SH3BP4: variants seen among roughly 807,000 people sequenced by gnomAD.
SH3BP4 encodes the protein SH3 domain-binding protein 4.
A neutral mutation model predicts 65.5 loss-of-function variants in SH3BP4; 33 were observed. The observed-to-expected ratio is 0.50, with a 90% CI of 0.38 to 0.67. The LOEUF is 0.67. Among genes scored for constraint, SH3BP4 ranks in the 30% least tolerant of loss-of-function variants. The probability of loss-of-function intolerance (pLI) is 0.00; values close to 1 mark genes in which losing one functional copy is unlikely to be tolerated. For missense variants in SH3BP4, 1,134 were observed against 1,261.4 expected, an observed-to-expected ratio of 0.90 and a Z score of 1.53; for synonymous variants, 552 against 545.5, an observed-to-expected ratio of 1.01 and a Z score of -0.17.
At chr2:234,969,731 C>A (rs947553438) in intron 1 of SH3BP4, among the ~76,000 whole-genome samples, 12 of 152,180 alleles carry the variant, frequency 7.9e-5, no homozygotes, top group Admixed American at 6.5e-4. Context: ...CCCTAGGATG[C>A]CTGTGGGTCC....
chr2:235,041,881 C>G lies in SH3BP4; in HGVS notation c.1112C>G (p.Ser371Cys), dbSNP rs1559256865. Residue 371 changes from serine (S) to cysteine (C), a missense_variant, in exon 4 of 6, where the codon TCC (serine) becomes TGC (cysteine). Transcript: ENST00000392011. This position sits in a 1 kb window ranked among gnomAD's most constrained non-coding sequence, Gnocchi z 6.0. The part of the protein sequence containing the change: ...DPPLELNSDR[S>C]CSISPVLEVK... ...CCGCTGGAGCTCAACAGTGACAGGT[C>G]CTGCAGCATCAGCCCTGTGCTGGAG... 6.2e-7 allele frequency: 1 copy of G among 1,612,606 alleles called. No individual in the cohort carries two copies. Among genetic ancestry groups the G allele is most frequent in the Non-Finnish European group, 8.5e-7 (1 of 1,179,322 alleles).
intron 2 of SH3BP4, among the ~76,000 whole-genome samples, chr2:235,007,062 G>C (rs573848854): frequency 6.6e-6 from 1 of 152,074 alleles, no homozygotes; most frequent in Non-Finnish European, 1.5e-5. Context: ...ATCTTCCCCC[G>C]GTCAGAATGG....
rs754597414 is a variant in SH3BP4 at position 235,041,128 on chromosome 2, G to A, written c.359G>A (p.Ser120Asn). ...QPLNYRNSTL[S>N]DSGMIDNLPD... is the part of the protein sequence containing the mutation. Reference sequence around the variant, plus strand: ...TTGAACTACCGGAACTCAACACTGAGTGACAGCGGTATGATTGATAATCTT... The same window carrying A: ...TTGAACTACCGGAACTCAACACTGAATGACAGCGGTATGATTGATAATCTT... The change falls in exon 4 of 6, where the codon AGT (serine) becomes AAT (asparagine). Residue 120 changes from serine (S) to asparagine (N), a missense_variant. Physicochemically the swap from Ser to Asn is conservative, Grantham distance 46 (BLOSUM62 1). Coordinates refer to ENST00000392011, the MANE Select transcript of SH3BP4 (RefSeq NM_014521.3). The surrounding 1 kb of genome is among the most constrained non-coding windows in gnomAD (Gnocchi z 6.0). The A allele has an allele frequency of 3.1e-6, 5 of 1,614,186 alleles. No individual in the cohort carries two copies. The highest frequency in any genetic ancestry group is 4.2e-6 in the Non-Finnish European group (5 of 1,180,034).
intron 3 of SH3BP4, among the ~76,000 whole-genome samples, chr2:235,036,148 C>G (rs946749794): frequency 1.3e-5 from 2 of 152,238 alleles, no homozygotes; most frequent in African/African-American, 4.8e-5. Context: ...TGAGTAGCTT[C>G]TCCTTCCCCT....
Position 235,052,792 on chromosome 2 carries a change from C to G in SH3BP4, c.2667+42C>G, listed in dbSNP as rs1361524153. On this transcript the variant is annotated intron_variant, in intron 5 of 5. Coordinates refer to ENST00000392011, the MANE Select transcript of SH3BP4 (RefSeq NM_014521.3). This position sits in a 1 kb window ranked among gnomAD's most constrained non-coding sequence, Gnocchi z 5.0. ...CTTCGAGCTCACCGAGCCCCTCTGTCCCTGGGTTCCGTGGACCCATGCAGT... is the reference window on the plus strand; with the variant it reads ...CTTCGAGCTCACCGAGCCCCTCTGTGCCTGGGTTCCGTGGACCCATGCAGT... 1 of 1,518,404 alleles carries G rather than the reference C, an allele frequency of 6.6e-7. No individual in the cohort carries two copies. The highest frequency in any genetic ancestry group is 1.4e-5 in the African/African-American group (1 of 72,304). The allele number at this position is 1,518,404 out of a possible 1,614,324, so 94.1% of individuals were successfully genotyped here.
Position 234,970,000 on chromosome 2 carries a change from C to T in SH3BP4, c.-207+17830C>T, listed in dbSNP as rs964441440. Among the ~76,000 whole-genome samples, 12 of 151,408 alleles carry T rather than the reference C, an allele frequency of 7.9e-5. No homozygotes were observed. The South Asian group carries it at 1.5e-3, about 18-fold the overall frequency. On this transcript the variant is annotated intron_variant, in intron 1 of 5. Transcript: ENST00000392011. Reference sequence around the variant, plus strand: ...ACACACACTCCCACATACACACACTCGCTGTCTCACACACACACACTGTCA... The same window carrying T: ...ACACACACTCCCACATACACACACTTGCTGTCTCACACACACACACTGTCA...
intron 1 of SH3BP4, among the ~76,000 whole-genome samples, chr2:234,968,482 G>A (rs1335736640): frequency 6.6e-6 from 1 of 150,762 alleles, no homozygotes; most frequent in African/African-American, 2.4e-5. Flanking sequence ...TTACTTTGGA[G>A]AATTTATTGA....
intron 1 of SH3BP4, among the ~76,000 whole-genome samples, chr2:234,985,203 C>T (rs1303981793): frequency 6.6e-6 from 1 of 151,962 alleles, no homozygotes; most frequent in Non-Finnish European, 1.5e-5. Context: ...TCTACTATAG[C>T]TGGCCTTCAC....
intron 4 of SH3BP4, among the ~76,000 whole-genome samples, chr2:235,044,424 C>A (rs970860983): frequency 3.9e-5 from 6 of 152,224 alleles, no homozygotes; most frequent in Non-Finnish European, 7.3e-5. Context: ...ATATCCGTGT[C>A]CTGGCATCCC....
chr2:235,029,145 G>A (rs1695097478), intron 2 of SH3BP4, among the ~76,000 whole-genome samples: 1 of 152,200 alleles, frequency 6.6e-6, no homozygotes, highest in South Asian at 2.1e-4. Context: ...ACGGTGGTGT[G>A]GATGTGCTGG....
At chr2:235,020,753 G>T (rs1265422399) in intron 2 of SH3BP4, among the ~76,000 whole-genome samples, 2 of 152,202 alleles carry the variant, frequency 1.3e-5, no homozygotes, top group Non-Finnish European at 2.9e-5. Context: ...AACCCTAGAA[G>T]AAGTGCTTTT....
chr2:235,041,555 G>T lies in SH3BP4; in HGVS notation c.786G>T (p.Ser262=). The change falls in exon 4 of 6, where the codon TCG becomes TCT. Residue 262 remains serine, a synonymous_variant. Transcript: ENST00000392011. The surrounding 1 kb of genome is among the most constrained non-coding windows in gnomAD (Gnocchi z 6.0). The part of the protein sequence containing the change: ...VLQAKSDAPT[S]SSFFTGLKSP... ...AAGCCAAGTCCGATGCTCCCACATC[G>T]TCGAGTTTCTTCACCGGCTTGAAAT... is the stretch of plus-strand genomic sequence containing the variant. 1.2e-6 allele frequency: 2 copies of T among 1,614,080 alleles called. No homozygotes were observed.
At chr2:234,954,267 T>TG (rs35150969) in intron 1 of SH3BP4, among the ~76,000 whole-genome samples, 2 of 152,050 alleles carry the variant, frequency 1.3e-5, no homozygotes. Context: ...AAGGCCCAGG[T>TG]GGGGAGAGGT....
At chr2:234,988,085 A>G (rs2106265545) in intron 1 of SH3BP4, among the ~76,000 whole-genome samples, 1 of 151,898 alleles carries the variant, frequency 6.6e-6, no homozygotes, top group South Asian at 2.1e-4. Flanking sequence ...TTTGAGTCAG[A>G]GTCTCACTCT....
intron 1 of SH3BP4, among the ~76,000 whole-genome samples, chr2:234,972,779 A>T (rs886203993): frequency 6.6e-6 from 1 of 152,180 alleles, no homozygotes; most frequent in African/African-American, 2.4e-5. Context: ...GTTTTCTTTC[A>T]TTGCACGTTT....
chr2:234,968,606 T>C (rs2106245298), intron 1 of SH3BP4, among the ~76,000 whole-genome samples: 1 of 152,272 alleles, frequency 6.6e-6, no homozygotes, highest in East Asian at 1.9e-4. Flanking sequence ...TAAATGAAGC[T>C]TGATTATATC....
rs1295088239 is a variant in SH3BP4 at position 235,042,298 on chromosome 2, C to T, written c.1529C>T (p.Thr510Ile). ...AAGACGCTCCTGGTCAGCGAGGTCA[C>T]ACGCCAGGCACCCAACCCTGCCCCG... ...APKTLLVSEV[T>I]RQAPNPAPVA... The change falls in exon 4 of 6, where the codon ACA becomes ATA. Residue 510 changes from threonine (T) to isoleucine (I), a missense_variant. Coordinates refer to ENST00000392011, the MANE Select transcript of SH3BP4 (RefSeq NM_014521.3). This position sits in a 1 kb window ranked among gnomAD's most constrained non-coding sequence, Gnocchi z 7.3. 2.5e-6 allele frequency: 4 copies of T among 1,613,990 alleles called. No homozygotes were observed. The African/African-American group carries it at 4.0e-5, about 16-fold the overall frequency.
At chr2:235,027,658 TC>T (rs944514021) in intron 2 of SH3BP4, among the ~76,000 whole-genome samples, 3 of 152,154 alleles carry the variant, frequency 2.0e-5, no homozygotes, top group African/African-American at 7.2e-5. Context: ...AATGAGTCAT[TC>T]TAAACAGGGC....
At chr2:235,037,310 T>C (rs949318317) in intron 3 of SH3BP4, among the ~76,000 whole-genome samples, 2 of 152,200 alleles carry the variant, frequency 1.3e-5, no homozygotes, top group South Asian at 2.1e-4. Context: ...AGTTGACTGA[T>C]GGAGGGCCTC....
Sources: allele counts gnomAD v4.1 joint callset (sites outside exome capture counted in the v4.1 genomes callset), GRCh38; gene constraint gnomAD v4.1.1; non-coding constraint Gnocchi (gnomAD v3.1); transcripts MANE v1.5; gene names NCBI Gene and HGNC (gene_info 2026-07-23, HGNC 2026-07-21).